Variants in SGCG observed in about 807,000 individuals in gnomAD.
SGCG encodes the protein sarcoglycan gamma, also known as gamma-sarcoglycan.
In SGCG, 26 loss-of-function variants were observed where a neutral mutation model predicts 29.3. The observed-to-expected ratio is 0.89, with a 90% CI of 0.65 to 1.23. The LOEUF (loss-of-function observed/expected upper bound fraction) is 1.23. SGCG is among the 50% of genes most tolerant of loss of function. The pLI is 0.00. For missense variants in SGCG, 353 were observed against 356.0 expected, an observed-to-expected ratio of 0.99 and a Z score of 0.07; for synonymous variants, 145 against 129.7, an observed-to-expected ratio of 1.12 and a Z score of -0.80.
At chr13:23,254,372 A>C (rs955656144) in intron 4 of SGCG, among the ~76,000 whole-genome samples, 1 of 152,186 alleles carries the variant, frequency 6.6e-6, no homozygotes, top group African/African-American at 2.4e-5. Flanking sequence ...TTGTGTCCAC[A>C]ACCTAGGAAC....
chr13:23,225,778 C>A (rs957901296), intron 2 of SGCG, among the ~76,000 whole-genome samples: 1 of 109,616 alleles, frequency 9.1e-6, no homozygotes, highest in Non-Finnish European at 1.9e-5. Context: ...GAGGACATGT[C>A]ATACACACAC....
chr13:23,244,419 G>A (rs1879621851), intron 3 of SGCG: 1 of 152,048 alleles, frequency 6.6e-6, no homozygotes, highest in Admixed American at 6.6e-5. Flanking sequence ...AAAGTAACAT[G>A]GTATTTCTTA....
intron 6 of SGCG, among the ~76,000 whole-genome samples, chr13:23,297,261 C>G (rs1199700738): frequency 1.3e-5 from 2 of 148,594 alleles, no homozygotes. Flanking sequence ...GAATTTTGCT[C>G]TTGTTTGCCG....
intron 4 of SGCG, 74 bp from the exon 5 acceptor site, chr13:23,279,285 T>C: frequency 7.2e-7 from 1 of 1,381,444 alleles, no homozygotes; most frequent in South Asian, 1.2e-5. Flanking sequence ...AGGGTTGACG[T>C]GGCATGTGTA....
chr13:23,205,013 G>T (rs1221983670), intron 2 of SGCG, among the ~76,000 whole-genome samples: 1 of 151,680 alleles, frequency 6.6e-6, no homozygotes, highest in Non-Finnish European at 1.5e-5. Flanking sequence ...GTTTGAAATG[G>T]TGTTAGCATA....
chr13:23,164,256 A>G, the SGCG span, among the ~76,000 whole-genome samples: 1 of 152,216 alleles, frequency 6.6e-6, no homozygotes, highest in Admixed American at 6.5e-5. Flanking sequence ...CAGATAGTTT[A>G]ATTATCACAG....
chr13:23,190,427 A>G (rs890126053), intron 1 of SGCG, among the ~76,000 whole-genome samples: 2 of 152,220 alleles, frequency 1.3e-5, no homozygotes, highest in African/African-American at 2.4e-5. Context: ...AATAGCAAGC[A>G]TAATGACTTC....
intron 5 of SGCG, among the ~76,000 whole-genome samples, chr13:23,284,786 G>GT (rs34146461): frequency 0.43 from 65,870 of 151,984 alleles, 15,120 homozygotes; most frequent in Middle Eastern, 0.65. Context: ...TTTGGATGGG[G>GT]TTTCATGTAG....
chr13:23,228,842 TACC>T (rs768246315), intron 2 of SGCG, among the ~76,000 whole-genome samples: 116 of 152,312 alleles, frequency 7.6e-4, no homozygotes, highest in Non-Finnish European at 9.1e-4. Flanking sequence ...AGTGTATATG[TACC>T]ACATTTTCCT....
At chr13:23,276,150 A>G (rs1299961879) in intron 4 of SGCG, among the ~76,000 whole-genome samples, 1 of 152,104 alleles carries the variant, frequency 6.6e-6, no homozygotes, top group Non-Finnish European at 1.5e-5. Context: ...AAAGACGATT[A>G]CATCCTCAGC....
intron 3 of SGCG, among the ~76,000 whole-genome samples, chr13:23,248,032 T>C (rs1054699268): frequency 2.2e-5 from 3 of 139,022 alleles, no homozygotes; most frequent in African/African-American, 7.6e-5. Context: ...CCCAGCACTT[T>C]GGAAGGCCAA....
intron 3 of SGCG, among the ~76,000 whole-genome samples, chr13:23,241,625 C>A (rs746848997): frequency 8.5e-5 from 13 of 152,134 alleles, no homozygotes; most frequent in Admixed American, 2.0e-4. Context: ...TTACACAAGA[C>A]CAGCATAGCC....
At chr13:23,287,710 C>T (rs1174532345) in intron 5 of SGCG, among the ~76,000 whole-genome samples, 2 of 151,910 alleles carry the variant, frequency 1.3e-5, no homozygotes, top group Admixed American at 6.6e-5. Flanking sequence ...TATAATTTCA[C>T]AGTTTTTTGT....
At chr13:23,318,794 C>G (rs1424823956) in intron 6 of SGCG, among the ~76,000 whole-genome samples, 1 of 152,142 alleles carries the variant, frequency 6.6e-6, no homozygotes, top group Non-Finnish European at 1.5e-5. Context: ...AGCAGCGTCC[C>G]ATTATAACAT....
chr13:23,183,485 A>G (rs960506587), intron 1 of SGCG, among the ~76,000 whole-genome samples: 1 of 152,108 alleles, frequency 6.6e-6, no homozygotes, highest in Middle Eastern at 3.4e-3. Flanking sequence ...GCTGCTCAGA[A>G]GGGGTGTGTG....
At chr13:23,244,703 T>C (rs1467267124) in intron 3 of SGCG, 1 of 152,128 alleles carries the variant, frequency 6.6e-6, no homozygotes, top group Non-Finnish European at 1.5e-5. Context: ...GGGGCAGCCT[T>C]AGGAGTATGT....
the SGCG span, among the ~76,000 whole-genome samples, chr13:23,170,305 C>T: frequency 6.6e-6 from 1 of 152,188 alleles, no homozygotes; most frequent in African/African-American, 2.4e-5. Flanking sequence ...TAATTGGAAT[C>T]CTCCTTTCCT....
intron 3 of SGCG, chr13:23,245,690 T>C (rs1879682746): frequency 6.6e-6 from 1 of 152,332 alleles, no homozygotes; most frequent in Admixed American, 6.5e-5. Context: ...TGGGTGATTA[T>C]AACCCCCATT....
intron 6 of SGCG, among the ~76,000 whole-genome samples, chr13:23,316,036 G>A (rs1882796015): frequency 6.6e-6 from 1 of 152,196 alleles, no homozygotes; most frequent in South Asian, 2.1e-4. Context: ...TGGCAGGGAT[G>A]GAGGTTACGC....
Sources: allele counts gnomAD v4.1 joint callset (sites outside exome capture counted in the v4.1 genomes callset), GRCh38; gene constraint gnomAD v4.1.1; transcripts MANE v1.5; gene names NCBI Gene and HGNC (gene_info 2026-07-23, HGNC 2026-07-21).